The following CAMTA1 variants were observed in gnomAD, a reference collection of about 807,000 sequenced individuals.
CAMTA1 encodes calmodulin-binding transcription activator 1.
CAMTA1 carries 27 observed loss-of-function variants against 170.9 expected under a neutral mutation model. That is an observed-to-expected ratio of 0.16 (90% CI 0.12 to 0.22). The LOEUF (loss-of-function observed/expected upper bound fraction) is 0.22, where lower values mean the gene tolerates loss of function less well. CAMTA1 is among the 10% of genes least tolerant of loss of function. The pLI, the probability that CAMTA1 is intolerant of heterozygous loss-of-function variation, is 1.00. For synonymous variants in CAMTA1, 833 were observed against 891.5 expected, an observed-to-expected ratio of 0.93 and a Z score of 1.17; for missense variants, 1,619 against 2,217.2, an observed-to-expected ratio of 0.73 and a Z score of 5.42.
At chr1:7,572,876 A>G (rs2095141663) in intron 6 of CAMTA1, among the ~76,000 whole-genome samples, 1 of 152,212 alleles carries the variant, frequency 6.6e-6, no homozygotes, top group African/African-American at 2.4e-5. Context: ...CCAGTCTGAT[A>G]AGAAACCGCA....
chr1:6,904,587 C>T (rs114282855), intron 3 of CAMTA1, among the ~76,000 whole-genome samples: 2,166 of 148,600 alleles, frequency 0.015, 51 homozygotes, highest in African/African-American at 0.051. Flanking sequence ...CAGAGTCTTC[C>T]TCTATCGCCC....
At chr1:7,464,245 C>G (rs6689498) in intron 5 of CAMTA1, among the ~76,000 whole-genome samples, 1 of 152,126 alleles carries the variant, frequency 6.6e-6, no homozygotes, top group South Asian at 2.1e-4. Context: ...CTCCCACACG[C>G]GTGTGCACCT....
At chr1:7,587,626 G>A (rs1250250994) in intron 6 of CAMTA1, among the ~76,000 whole-genome samples, 1 of 152,106 alleles carries the variant, frequency 6.6e-6, no homozygotes, top group Non-Finnish European at 1.5e-5. Context: ...GTGTTTACAT[G>A]GTTGAGGGGG....
chr1:7,388,182 G>A (rs2088231701), intron 5 of CAMTA1: 2 of 152,212 alleles, frequency 1.3e-5, no homozygotes, highest in Non-Finnish European at 2.9e-5. Flanking sequence ...TGAGAATTAA[G>A]TGAAATGACA....
intron 3 of CAMTA1, among the ~76,000 whole-genome samples, chr1:6,872,767 C>CA (rs1668759699): frequency 6.6e-6 from 1 of 152,158 alleles, no homozygotes; most frequent in Admixed American, 6.5e-5. Flanking sequence ...CCTTAGAAAT[C>CA]ATGTCCTTAA....
At chr1:7,026,647 T>C (rs1199018470) in intron 3 of CAMTA1, among the ~76,000 whole-genome samples, 2 of 149,854 alleles carry the variant, frequency 1.3e-5, no homozygotes, top group Non-Finnish European at 3.0e-5. Flanking sequence ...TTTTTTTTTT[T>C]TTTTTTTTGA....
chr1:7,691,896 C>T (rs2096317743), intron 11 of CAMTA1, among the ~76,000 whole-genome samples: 1 of 149,420 alleles, frequency 6.7e-6, no homozygotes, highest in Non-Finnish European at 1.5e-5. Flanking sequence ...CATTGTGCCC[C>T]AGTGTAGGGG....
At chr1:7,417,228 C>A (rs1313521345) in intron 5 of CAMTA1, among the ~76,000 whole-genome samples, 1 of 152,270 alleles carries the variant, frequency 6.6e-6, no homozygotes, top group Non-Finnish European at 1.5e-5. Context: ...GGGTCAGGGA[C>A]CCACTTGAGG....
intron 5 of CAMTA1, among the ~76,000 whole-genome samples, chr1:7,351,473 C>A (rs1301106618): frequency 6.6e-6 from 1 of 152,242 alleles, no homozygotes; most frequent in Non-Finnish European, 1.5e-5. Context: ...GAGCCAGTCC[C>A]ACCATCCAGG....
At chr1:7,028,831 T>C (rs541249125) in intron 3 of CAMTA1, among the ~76,000 whole-genome samples, 2 of 152,360 alleles carry the variant, frequency 1.3e-5, no homozygotes, top group African/African-American at 4.8e-5. Flanking sequence ...TATATTCTAA[T>C]GGAGCAGAGA....
At chr1:7,280,500 G>C (rs1425891652) in intron 5 of CAMTA1, among the ~76,000 whole-genome samples, 1 of 152,248 alleles carries the variant, frequency 6.6e-6, no homozygotes, top group African/African-American at 2.4e-5. Context: ...GTGGCAGGAT[G>C]CTAAGGGTGG....
intron 4 of CAMTA1, among the ~76,000 whole-genome samples, chr1:7,162,644 T>C (rs1218919892): frequency 6.6e-6 from 1 of 152,248 alleles, no homozygotes; most frequent in Non-Finnish European, 1.5e-5. Flanking sequence ...GTAAGTACTT[T>C]GTTCCTTTCT....
intron 9 of CAMTA1, among the ~76,000 whole-genome samples, chr1:7,667,447 G>C (rs147600834): frequency 1.1e-3 from 171 of 152,302 alleles, no homozygotes; most frequent in Non-Finnish European, 2.3e-3. Context: ...ATGGCTGAGA[G>C]GGGGTGGCCT....
At chr1:7,613,434 C>T (rs186846641) in intron 6 of CAMTA1, among the ~76,000 whole-genome samples, 1 of 152,080 alleles carries the variant, frequency 6.6e-6, no homozygotes, top group Non-Finnish European at 1.5e-5. Flanking sequence ...TCCCCCAGGC[C>T]GTAAAGCCAG....
At chr1:7,262,540 G>A (rs948705554) in intron 5 of CAMTA1, among the ~76,000 whole-genome samples, 1 of 152,108 alleles carries the variant, frequency 6.6e-6, no homozygotes, top group African/African-American at 2.4e-5. Context: ...GAAGCCTGGG[G>A]GACAAGAGCA....
chr1:7,659,148 G>A (rs945282760), intron 7 of CAMTA1, among the ~76,000 whole-genome samples: 7 of 152,218 alleles, frequency 4.6e-5, no homozygotes, highest in African/African-American at 1.7e-4. Context: ...GCGGACACCC[G>A]GGTCAGGCGA....
chr1:7,494,795 C>T (rs2093799062), intron 6 of CAMTA1, among the ~76,000 whole-genome samples: 1 of 152,006 alleles, frequency 6.6e-6, no homozygotes, highest in Non-Finnish European at 1.5e-5. Flanking sequence ...CAGATTGAGA[C>T]CCTGTCTCAA....
chr1:7,266,687 T>C (rs10864291), intron 5 of CAMTA1, among the ~76,000 whole-genome samples: 96,317 of 152,052 alleles, frequency 0.63, 30,765 homozygotes, highest in Middle Eastern at 0.66. Context: ...TGACAAGTAG[T>C]GGCCAGGCAC....
At chr1:6,959,530 C>T (rs951603552) in intron 3 of CAMTA1, among the ~76,000 whole-genome samples, 3 of 152,144 alleles carry the variant, frequency 2.0e-5, no homozygotes, top group Non-Finnish European at 2.9e-5. Flanking sequence ...CCGCAAGTGC[C>T]AGTGAGATTT....
Sources: gnomAD v4.1 joint callset for allele counts (sites outside exome capture counted in the v4.1 genomes callset) on GRCh38, gnomAD v4.1.1 for gene constraint, MANE v1.5 for transcripts, NCBI Gene and HGNC (gene_info 2026-07-23, HGNC 2026-07-21) for gene names.